Variants in GOLM2 observed in about 807,000 individuals in gnomAD.
The protein encoded by GOLM2 is protein GOLM2.
Under a neutral mutation model 55.9 loss-of-function variants are expected in GOLM2, and 26 were observed. The observed-to-expected ratio is 0.47, with a 90% CI of 0.34 to 0.65. The LOEUF (loss-of-function observed/expected upper bound fraction) is 0.65. Among genes scored for constraint, GOLM2 ranks in the 30% least tolerant of loss-of-function variants. The pLI, the probability that GOLM2 is intolerant of heterozygous loss-of-function variation, is 0.01. For missense variants in GOLM2, 486 were observed against 531.8 expected (o/e 0.91, Z 0.85); for synonymous variants, 165 against 194.6 (o/e 0.85, Z 1.27).
In GOLM2 at chr15:44,357,974, G is replaced by A. The variant is rs904400178; in HGVS notation, c.802+19657G>A. On this transcript the variant is annotated intron_variant, in intron 6 of 9. Transcript: ENST00000299957. ...AGTATTGTCAAAATGTCAGTTCCTC[G>A]GAGTATGATTTATAGATTGATATGA... Among the ~76,000 whole-genome samples, 11 of 152,282 alleles carry A rather than the reference G, an allele frequency of 7.2e-5. No individual in the cohort carries two copies. In the East Asian group the frequency reaches 9.6e-4, roughly 13 times the overall value.
intron 1 of GOLM2, among the ~76,000 whole-genome samples, chr15:44,312,940 G>A (rs778107890): frequency 1.3e-5 from 2 of 152,200 alleles, no homozygotes; most frequent in Non-Finnish European, 2.9e-5. Flanking sequence ...TTAGCTGGGC[G>A]TGGTGGCGTG....
intron 1 of GOLM2, among the ~76,000 whole-genome samples, chr15:44,309,925 C>T (rs1404715518): frequency 1.3e-5 from 2 of 151,946 alleles, no homozygotes; most frequent in Non-Finnish European, 2.9e-5. Flanking sequence ...ACTCTGTTGC[C>T]CAGGCTGGAG....
chr15:44,368,750 C>CAT (rs974507603), intron 6 of GOLM2, among the ~76,000 whole-genome samples: 52 of 150,716 alleles, frequency 3.5e-4, no homozygotes, highest in East Asian at 1.8e-3. Context: ...TATACATATA[C>CAT]ATATATATAT....
chr15:44,329,941 C>T (rs1444229598), intron 3 of GOLM2, among the ~76,000 whole-genome samples: 4 of 145,232 alleles, frequency 2.8e-5, no homozygotes, highest in African/African-American at 7.6e-5. Context: ...TCACGTCTCT[C>T]GCTCTGTCGC....
intron 6 of GOLM2, among the ~76,000 whole-genome samples, chr15:44,377,950 G>A (rs1283720590): frequency 6.6e-6 from 1 of 151,022 alleles, no homozygotes; most frequent in Admixed American, 6.6e-5. Flanking sequence ...TACAGTTAAA[G>A]TTTAATTTCT....
intron 9 of GOLM2, among the ~76,000 whole-genome samples, chr15:44,403,804 A>G (rs1035630319): frequency 6.6e-6 from 1 of 152,194 alleles, no homozygotes; most frequent in Non-Finnish European, 1.5e-5. Flanking sequence ...TTTTCTCCAC[A>G]CTGAAGATAA....
At chr15:44,404,002 C>T (rs1269474072) in intron 9 of GOLM2, among the ~76,000 whole-genome samples, 1 of 152,142 alleles carries the variant, frequency 6.6e-6, no homozygotes, top group Non-Finnish European at 1.5e-5. Context: ...TCAGAATCTA[C>T]CTGTGTGCAT....
At chr15:44,362,688 AC>A in intron 6 of GOLM2, among the ~76,000 whole-genome samples, 1 of 152,182 alleles carries the variant, frequency 6.6e-6, no homozygotes, top group Non-Finnish European at 1.5e-5. Flanking sequence ...ATTGGAAAAA[AC>A]TACTTTAAAG....
chr15:44,379,796 G>A lies in GOLM2; in HGVS notation c.901+8G>A. The A allele has an allele frequency of 6.5e-7, 1 of 1,542,972 alleles. No individual in the cohort carries two copies. Among genetic ancestry groups the A allele is most frequent in the South Asian group, 1.1e-5 (1 of 89,290 alleles). On this transcript the variant is annotated splice_region_variant and intron_variant, in intron 7 of 9. Coordinates refer to ENST00000299957, the MANE Select transcript of GOLM2 (RefSeq NM_138423.4). ...CCCCAAATATGCCTCCAGGTATGAA[G>A]GCTTATGCTTATAATTCCATTTGAA...
At chr15:44,316,796 G>T (rs777040878) in intron 1 of GOLM2, among the ~76,000 whole-genome samples, 9 of 151,750 alleles carry the variant, frequency 5.9e-5, no homozygotes, top group African/African-American at 2.2e-4. Flanking sequence ...ACCAGACTGG[G>T]CAACATGGCA....
chr15:44,385,326 CCCTCCCTCCCTCCCTT>C (rs1344236188), intron 8 of GOLM2, among the ~76,000 whole-genome samples: 1 of 141,060 alleles, frequency 7.1e-6, no homozygotes, highest in Admixed American at 7.1e-5. Context: ...TCTCCACATC[CCCTCCCTCCCTCCCTT>C]CCTCCCTCCC....
chr15:44,309,536 A>G (rs1261196154), intron 1 of GOLM2, among the ~76,000 whole-genome samples: 1 of 152,204 alleles, frequency 6.6e-6, no homozygotes, highest in Non-Finnish European at 1.5e-5. Flanking sequence ...TGTTTTAGCT[A>G]AAAAGGCTAA....
rs2078996995 is a variant in GOLM2 at position 44,328,100 on chromosome 15, A to T, written c.383-585A>T. 3.9e-5 allele frequency among the ~76,000 whole-genome samples: 6 copies of T among 152,200 alleles called. No individual in the cohort carries two copies. The South Asian group carries it at 1.2e-3, about 31-fold the overall frequency. ...TTTTGTATTGTCTCCACAGCTTAGC[A>T]TGTGTCTATACAAAGTGTAACAATG... On this transcript the variant is annotated intron_variant, in intron 2 of 9. Transcript: ENST00000299957.
At chr15:44,359,273 T>C (rs1402978336) in intron 6 of GOLM2, among the ~76,000 whole-genome samples, 1 of 151,662 alleles carries the variant, frequency 6.6e-6, no homozygotes, top group African/African-American at 2.4e-5. Context: ...CTATGCAAAA[T>C]ATACAAAGAA....
intron 1 of GOLM2, 61 bp from the exon 2 acceptor site, chr15:44,322,904 A>T (rs894988157): frequency 1.0e-5 from 13 of 1,239,506 alleles, no homozygotes; most frequent in Non-Finnish European, 1.0e-5. Flanking sequence ...GTGAATATGA[A>T]CCAAAAAAAT....
intron 9 of GOLM2, among the ~76,000 whole-genome samples, chr15:44,408,753 C>T (rs966912398): frequency 5.3e-5 from 8 of 151,796 alleles, no homozygotes; most frequent in African/African-American, 1.9e-4. Flanking sequence ...CCAAGGAGGG[C>T]AGATCACACC....
chr15:44,376,787 A>G (rs1419160736), intron 6 of GOLM2, among the ~76,000 whole-genome samples: 2 of 151,218 alleles, frequency 1.3e-5, no homozygotes, highest in African/African-American at 4.9e-5. Context: ...TTTAATTTTT[A>G]ATTTTTTAGG....
intron 1 of GOLM2, among the ~76,000 whole-genome samples, chr15:44,319,236 T>TG (rs1207653089): frequency 6.6e-6 from 1 of 152,150 alleles, no homozygotes; most frequent in Non-Finnish European, 1.5e-5. Context: ...TTTTTTGAGA[T>TG]GGGGTCTTGC....
Position 44,309,901 on chromosome 15 carries a change from T to G in GOLM2, c.328-13064T>G, listed in dbSNP as rs536548173. Among the ~76,000 whole-genome samples the G allele has an allele frequency of 2.6e-5, 4 of 152,174 alleles. No homozygotes were observed. In the East Asian group the frequency reaches 7.7e-4, roughly 29 times the overall value. On this transcript the variant is annotated intron_variant, in intron 1 of 9. Coordinates refer to ENST00000299957, the MANE Select transcript of GOLM2 (RefSeq NM_138423.4). ...CCTCACCAGCTTTTGGTTTTTTTTT[T>G]GATACGGAGTTTCACTCTGTTGCCC...
Sources: allele counts gnomAD v4.1 joint callset (sites outside exome capture counted in the v4.1 genomes callset), GRCh38; gene constraint gnomAD v4.1.1; transcripts MANE v1.5; gene names NCBI Gene and HGNC (gene_info 2026-07-23, HGNC 2026-07-21).